ITFG1: variants seen among roughly 807,000 people sequenced by gnomAD.
ITFG1 encodes T-cell immunomodulatory protein.
In ITFG1, 34 loss-of-function variants were observed where a neutral mutation model predicts 81.8. That is an observed-to-expected ratio of 0.42 (90% CI 0.32 to 0.55). ITFG1 has a LOEUF of 0.55. Among genes scored for constraint, ITFG1 ranks in the 20% least tolerant of loss-of-function variants. ITFG1 has a pLI of 0.17. For synonymous variants in ITFG1, 285 were observed against 270.6 expected (o/e 1.05, Z -0.52); for missense variants, 672 against 755.4 (o/e 0.89, Z 1.29).
chr16:47,406,116 C>T lies in ITFG1; in HGVS notation c.655+22688G>A, dbSNP rs528953038. Among the ~76,000 whole-genome samples the T allele has an allele frequency of 3.3e-5, 5 of 152,314 alleles. No homozygotes were observed. In the South Asian group the frequency reaches 1.0e-3, roughly 32 times the overall value. ...CAACTGCAGTTTTTAGTAAACAGGT[C>T]TCTTCATCTTTGCTGATAAAGATCA... On this transcript the variant is annotated intron_variant, in intron 6 of 17. Transcript: ENST00000320640.
chr16:47,236,964 C>G (rs185188156), intron 13 of ITFG1, among the ~76,000 whole-genome samples: 8 of 152,178 alleles, frequency 5.3e-5, no homozygotes, highest in Non-Finnish European at 8.8e-5. Flanking sequence ...TTCCTGGCGG[C>G]CTGTCTGGAT....
At chr16:47,460,629 G>T (rs1374502546) in intron 1 of ITFG1, among the ~76,000 whole-genome samples, 4 of 152,092 alleles carry the variant, frequency 2.6e-5, no homozygotes, top group African/African-American at 9.7e-5. Context: ...TTTGAGGGTA[G>T]GTCAAACTGT....
At chr16:47,373,879 GTC>G (rs1372895226) in intron 7 of ITFG1, among the ~76,000 whole-genome samples, 1 of 152,222 alleles carries the variant, frequency 6.6e-6, no homozygotes, top group East Asian at 1.9e-4. Context: ...TGACTGCAAA[GTC>G]TCTGTCCAAT....
chr16:47,447,358 C>A (rs1969337215), intron 5 of ITFG1, among the ~76,000 whole-genome samples: 2 of 152,098 alleles, frequency 1.3e-5, no homozygotes, highest in Admixed American at 1.3e-4. Flanking sequence ...TACAAATATA[C>A]ATCTAAAAAT....
chr16:47,258,848 T>A (rs1238330151), intron 11 of ITFG1, 108 bp from the exon 12 acceptor site: 2 of 514,122 alleles, frequency 3.9e-6, no homozygotes, highest in Non-Finnish European at 6.7e-6. Context: ...TGTAGCCTTA[T>A]TTATTCATCC....
At chr16:47,413,414 G>T (rs1254130161) in intron 6 of ITFG1, among the ~76,000 whole-genome samples, 1 of 152,184 alleles carries the variant, frequency 6.6e-6, no homozygotes, top group African/African-American at 2.4e-5. Flanking sequence ...AACACTTAAG[G>T]CCAGGTCAAA....
chr16:47,326,510 A>G (rs1246266951), intron 8 of ITFG1, among the ~76,000 whole-genome samples: 1 of 152,186 alleles, frequency 6.6e-6, no homozygotes, highest in African/African-American at 2.4e-5. Flanking sequence ...AGGGCATTCA[A>G]TTAGGAAAAG....
At chr16:47,220,983 T>C (rs1965683603) in intron 13 of ITFG1, among the ~76,000 whole-genome samples, 1 of 152,182 alleles carries the variant, frequency 6.6e-6, no homozygotes, top group South Asian at 2.1e-4. Flanking sequence ...ATTGCTCTAT[T>C]TCCATGTCAC....
intron 10 of ITFG1, among the ~76,000 whole-genome samples, chr16:47,283,348 C>T (rs909315195): frequency 6.6e-6 from 1 of 152,062 alleles, no homozygotes; most frequent in African/African-American, 2.4e-5. Flanking sequence ...TGTCCTCTCC[C>T]CATTGTGTAT....
intron 10 of ITFG1, among the ~76,000 whole-genome samples, chr16:47,279,721 G>T (rs1008131239): frequency 6.6e-6 from 1 of 152,152 alleles, no homozygotes; most frequent in African/African-American, 2.4e-5. Context: ...CATATTGAGA[G>T]AAATGATATT....
chr16:47,430,329 G>A (rs184167472), intron 5 of ITFG1, among the ~76,000 whole-genome samples: 10 of 152,046 alleles, frequency 6.6e-5, no homozygotes, highest in South Asian at 2.1e-4. Context: ...GCCTCCCAAA[G>A]TGTTGGGATT....
At chr16:47,260,842 T>C (rs1390394157) in intron 10 of ITFG1, 147 bp from the exon 11 acceptor site, 1 of 876,454 alleles carries the variant, frequency 1.1e-6, no homozygotes, top group East Asian at 2.7e-5. Context: ...TTTATAGTAC[T>C]GTCATTAAAA....
At chr16:47,213,377 T>C (rs745743792) in intron 14 of ITFG1, among the ~76,000 whole-genome samples, 9 of 152,198 alleles carry the variant, frequency 5.9e-5, no homozygotes. Context: ...GAAAAGAATG[T>C]ATTGCTGTTG....
intron 10 of ITFG1, among the ~76,000 whole-genome samples, chr16:47,273,974 CG>C (rs1966370812): frequency 6.6e-6 from 1 of 151,878 alleles, no homozygotes; most frequent in Non-Finnish European, 1.5e-5. Flanking sequence ...AAGAATTAAT[CG>C]GCTGGGCGTG....
chr16:47,230,661 C>T (rs144971618), intron 13 of ITFG1, among the ~76,000 whole-genome samples: 1,898 of 152,206 alleles, frequency 0.012, 25 homozygotes, highest in Non-Finnish European at 0.019. Flanking sequence ...ACAGCTGGCA[C>T]GCTGATTTTC....
At chr16:47,228,725 TA>T (rs1965784382) in intron 13 of ITFG1, among the ~76,000 whole-genome samples, 2 of 152,294 alleles carry the variant, frequency 1.3e-5, no homozygotes, top group African/African-American at 4.8e-5. Flanking sequence ...ATAGAATAGG[TA>T]AAAGCCTGAG....
intron 5 of ITFG1, chr16:47,450,573 CA>C (rs1200664640): frequency 4.4e-6 from 1 of 227,578 alleles, no homozygotes; most frequent in Non-Finnish European, 9.0e-6. Context: ...ATCATAAAAA[CA>C]AACTATTTCT....
intron 10 of ITFG1, among the ~76,000 whole-genome samples, chr16:47,272,713 G>C (rs1478708755): frequency 6.6e-6 from 1 of 151,778 alleles, no homozygotes. Context: ...ACTTTTAAAA[G>C]CCACTAAATT....
chr16:47,365,093 G>C lies in ITFG1; in HGVS notation c.802+695C>G, dbSNP rs56939886. On this transcript the variant is annotated intron_variant, in intron 8 of 17. Coordinates refer to ENST00000320640, the MANE Select transcript of ITFG1 (RefSeq NM_030790.5). Reference sequence around the variant, plus strand: ...TTACTGTCATTCCCATTTTATATATGAAGAAGCTGAGGTATCTGAACATGG... The same window carrying C: ...TTACTGTCATTCCCATTTTATATATCAAGAAGCTGAGGTATCTGAACATGG... 7.4e-3 allele frequency among the ~76,000 whole-genome samples: 1,120 copies of C among 152,288 alleles called. 15 individuals carry two copies. The highest frequency in any genetic ancestry group is 0.026 in the African/African-American group (1,072 of 41,556).
Sources: gnomAD v4.1 joint callset for allele counts (sites outside exome capture counted in the v4.1 genomes callset) on GRCh38, gnomAD v4.1.1 for gene constraint, MANE v1.5 for transcripts, NCBI Gene and HGNC (gene_info 2026-07-23, HGNC 2026-07-21) for gene names.